AMPH: variants seen among roughly 807,000 people sequenced by gnomAD.
AMPH encodes amphiphysin (Stiff-Mann syndrome with breast cancer 128kD autoantigen).
A neutral mutation model predicts 99.1 loss-of-function variants in AMPH; 49 were observed. The observed-to-expected ratio is 0.49, with a 90% CI of 0.39 to 0.63. The LOEUF is 0.63. Among genes scored for constraint, AMPH ranks in the 20% least tolerant of loss-of-function variants. The pLI is 0.00. For synonymous variants in AMPH, 314 were observed against 317.3 expected, an observed-to-expected ratio of 0.99 and a Z score of 0.11; for missense variants, 759 against 863.4, an observed-to-expected ratio of 0.88 and a Z score of 1.52.
At chr7:38,513,298 C>T (rs1053661351) in intron 2 of AMPH, among the ~76,000 whole-genome samples, 1 of 152,086 alleles carries the variant, frequency 6.6e-6, no homozygotes, top group Admixed American at 6.6e-5. Flanking sequence ...AATCTCATAG[C>T]CAATCACACA....
At chr7:38,432,760 TA>T (rs1427477300) in intron 12 of AMPH, among the ~76,000 whole-genome samples, 3 of 152,168 alleles carry the variant, frequency 2.0e-5, no homozygotes, top group African/African-American at 7.2e-5. Context: ...AGCTTAATGG[TA>T]AATGAGCCCC....
chr7:38,562,609 G>A (rs954818016), intron 1 of AMPH, among the ~76,000 whole-genome samples: 1 of 151,724 alleles, frequency 6.6e-6, no homozygotes, highest in African/African-American at 2.4e-5. Context: ...AGGCAATATT[G>A]GGATTGTAAC....
chr7:38,489,346 A>T (rs1488290319), intron 5 of AMPH, among the ~76,000 whole-genome samples: 1 of 151,942 alleles, frequency 6.6e-6, no homozygotes. Flanking sequence ...ATCAACTAAA[A>T]ATGGATTAAA....
chr7:38,572,319 T>C (rs1792077962), intron 1 of AMPH, among the ~76,000 whole-genome samples: 1 of 152,136 alleles, frequency 6.6e-6, no homozygotes. Context: ...TGCAGAAACA[T>C]ATGGTTCAGG....
intron 11 of AMPH, among the ~76,000 whole-genome samples, chr7:38,440,775 G>A (rs919709488): frequency 2.0e-5 from 3 of 151,890 alleles, no homozygotes; most frequent in Non-Finnish European, 4.4e-5. Flanking sequence ...ACAAAACAAT[G>A]TTATAGCTAA....
At chr7:38,470,352 A>G (rs1415898924) in intron 7 of AMPH, among the ~76,000 whole-genome samples, 1 of 152,186 alleles carries the variant, frequency 6.6e-6, no homozygotes, top group Non-Finnish European at 1.5e-5. Context: ...TCCAATGCCT[A>G]TAATCAAGCT....
chr7:38,490,044 T>C (rs986489622), intron 5 of AMPH, among the ~76,000 whole-genome samples: 3 of 152,188 alleles, frequency 2.0e-5, no homozygotes, highest in African/African-American at 4.8e-5. Context: ...ATTACTATTG[T>C]GAGACTGTCT....
intron 17 of AMPH, among the ~76,000 whole-genome samples, chr7:38,403,628 G>A (rs998414499): frequency 1.3e-5 from 2 of 152,244 alleles, no homozygotes; most frequent in Non-Finnish European, 2.9e-5. Flanking sequence ...GAAGCTCTGG[G>A]TACTCCAGAG....
At chr7:38,453,712 T>G (rs1787122129) in intron 11 of AMPH, among the ~76,000 whole-genome samples, 1 of 152,234 alleles carries the variant, frequency 6.6e-6, no homozygotes, top group Non-Finnish European at 1.5e-5. Context: ...TCTACTTCAG[T>G]TGCCTTGTCT....
chr7:38,565,826 A>G (rs1584251834), intron 1 of AMPH, among the ~76,000 whole-genome samples: 3 of 152,296 alleles, frequency 2.0e-5, no homozygotes, highest in African/African-American at 7.2e-5. Flanking sequence ...TCAACCAGTC[A>G]TCACCCATTC....
At chr7:38,478,059 AAAAC>A (rs146496756) in intron 5 of AMPH, among the ~76,000 whole-genome samples, 80,419 of 149,716 alleles carry the variant, frequency 0.54, 21,905 homozygotes, top group African/African-American at 0.62. Flanking sequence ...GAAAGGATTT[AAAAC>A]AAACAAACAA....
chr7:38,453,306 G>A (rs1396352902), intron 11 of AMPH, among the ~76,000 whole-genome samples: 1 of 152,188 alleles, frequency 6.6e-6, no homozygotes, highest in Non-Finnish European at 1.5e-5. Flanking sequence ...TTGATGGAGA[G>A]ACACTGAAAG....
chr7:38,458,996 C>G (rs1162274151), intron 11 of AMPH, among the ~76,000 whole-genome samples: 1 of 151,900 alleles, frequency 6.6e-6, no homozygotes, highest in Admixed American at 6.6e-5. Context: ...AAAAAACCTC[C>G]TAAATTTGAT....
intron 11 of AMPH, among the ~76,000 whole-genome samples, chr7:38,451,574 G>A (rs57991364): frequency 0.054 from 8,220 of 152,000 alleles, 604 homozygotes; most frequent in East Asian, 0.35. Flanking sequence ...GGGGGTGAAG[G>A]AGAGACTGAG....
intron 1 of AMPH, among the ~76,000 whole-genome samples, chr7:38,566,923 G>A (rs970844200): frequency 9.2e-5 from 14 of 152,150 alleles, no homozygotes; most frequent in Admixed American, 3.9e-4. Flanking sequence ...AAATAGGAAC[G>A]CTTTTACACT....
chr7:38,499,163 A>G (rs1789040622), intron 3 of AMPH, among the ~76,000 whole-genome samples: 1 of 152,118 alleles, frequency 6.6e-6, no homozygotes, highest in South Asian at 2.1e-4. Context: ...TAAAATACAT[A>G]TTACTATGCC....
intron 9 of AMPH, among the ~76,000 whole-genome samples, chr7:38,463,532 T>C (rs1787537633): frequency 6.6e-6 from 1 of 152,236 alleles, no homozygotes; most frequent in Non-Finnish European, 1.5e-5. Flanking sequence ...CTCGTTTCAC[T>C]TTCTATTTAC....
chr7:38,465,362 C>T (rs2129009960), intron 9 of AMPH, 105 bp downstream of exon 9: 1 of 955,652 alleles, frequency 1.0e-6, no homozygotes, highest in African/African-American at 1.7e-5. Flanking sequence ...GAAAAGGCTC[C>T]TGTGGGACTT....
At chr7:38,396,975 A>G (rs79926292) in intron 17 of AMPH, among the ~76,000 whole-genome samples, 1 of 152,236 alleles carries the variant, frequency 6.6e-6, no homozygotes, top group Admixed American at 6.5e-5. Context: ...TCATGATTAC[A>G]AGCTTATTCT....
Sources: allele counts gnomAD v4.1 joint callset (sites outside exome capture counted in the v4.1 genomes callset), GRCh38; gene constraint gnomAD v4.1.1; transcripts MANE v1.5; gene names NCBI Gene and HGNC (gene_info 2026-07-23, HGNC 2026-07-21).